Variants in FCMR observed in about 807,000 individuals in gnomAD.
FCMR encodes the protein immunoglobulin mu Fc receptor.
FCMR carries 34 observed loss-of-function variants against 41.6 expected under a neutral mutation model. The observed-to-expected ratio is 0.82, with a 90% CI of 0.62 to 1.09. FCMR has a LOEUF of 1.09. Ranked by LOEUF, FCMR falls within the 50% of genes least tolerant of loss-of-function variation. The pLI, the probability that FCMR is intolerant of heterozygous loss-of-function variation, is 0.00. For missense variants in FCMR, 496 were observed against 512.5 expected, an observed-to-expected ratio of 0.97 and a Z score of 0.31; for synonymous variants, 209 against 211.8, an observed-to-expected ratio of 0.99 and a Z score of 0.12.
upstream of FCMR, among the ~76,000 whole-genome samples, chr1:206,922,756 A>G (rs1057058167): frequency 6.6e-6 from 1 of 152,250 alleles, no homozygotes; most frequent in Non-Finnish European, 1.5e-5. Context: ...CAAGGGCCCA[A>G]GGGTAAGGCC....
chr1:206,916,505 C>T (rs1198738826), intron 1 of FCMR, among the ~76,000 whole-genome samples: 4 of 152,180 alleles, frequency 2.6e-5, no homozygotes, highest in Admixed American at 6.5e-5. Flanking sequence ...TTGGTAAATC[C>T]CTGGCTTGCC....
chr1:206,906,925 G>C (rs1178783484), intron 7 of FCMR, among the ~76,000 whole-genome samples: 1 of 151,720 alleles, frequency 6.6e-6, no homozygotes, highest in Non-Finnish European at 1.5e-5. Context: ...TTCGAAGCAA[G>C]CTGCTGCTGC....
chr1:206,911,697 C>G, intron 4 of FCMR, 33 bp downstream of exon 4: 1 of 1,583,500 alleles, frequency 6.3e-7, no homozygotes, highest in African/African-American at 1.3e-5. Flanking sequence ...TTAATTCTAG[C>G]CTAACTCTAG....
rs762185043 is a variant in FCMR at position 206,913,047 on chromosome 1, TGGAA to T, written c.374-9_374-6del. On this transcript the variant is annotated splice_polypyrimidine_tract_variant and splice_region_variant and intron_variant, in intron 2 of 7. Coordinates refer to ENST00000367091, the MANE Select transcript of FCMR (RefSeq NM_005449.5). Reference sequence around the variant, plus strand: ...CTTCCCATGATGGCTCGTATTCTATTGGAAGGAAGAGGAATATGTTGGTGGTCTC... The same window carrying T: ...CTTCCCATGATGGCTCGTATTCTATTGGAAGAGGAATATGTTGGTGGTCTC... The T allele has an allele frequency of 6.2e-7, 1 of 1,605,646 alleles. No individual in the cohort carries two copies. The highest frequency in any genetic ancestry group is 1.1e-5 in the South Asian group (1 of 90,942).
rs567990785 is a variant in FCMR at position 206,909,516 on chromosome 1, T to G, written c.990A>C (p.Thr330=). 389 of 1,309,298 alleles carry G rather than the reference T, an allele frequency of 3.0e-4. 1 individual carries two copies. In the African/African-American group the frequency reaches 4.9e-3, roughly 16 times the overall value. The allele number at this position is 1,309,298 out of a possible 1,614,324, so 81.1% of individuals were successfully genotyped here. A position where few individuals can be genotyped will look rare whatever the true frequency, so the allele number is the denominator to read the frequency against. The change falls in exon 7 of 8, where the codon ACA becomes ACC. Residue 330 remains threonine, a synonymous_variant. Coordinates refer to ENST00000367091, the MANE Select transcript of FCMR (RefSeq NM_005449.5). The surrounding 1 kb of genome is among the most constrained non-coding windows in gnomAD (Gnocchi z 5.0). The part of the protein sequence containing the change: ...RRARGADAAG[T]GEAPVPGPGA... ...CGGGGCCGGGAACGGGGGCCTCCCC[T>G]GTGCCTAGGGAACAGCGAGGGCGAG...
upstream of FCMR, chr1:206,922,060 C>T (rs575619695): frequency 3.7e-5 from 22 of 599,998 alleles, no homozygotes; most frequent in Non-Finnish European, 5.4e-5. Flanking sequence ...CAAACCACAG[C>T]GGAAGTCAGG....
intron 1 of FCMR, among the ~76,000 whole-genome samples, chr1:206,919,793 C>T (rs1429425741): frequency 6.6e-6 from 1 of 152,124 alleles, no homozygotes; most frequent in East Asian, 1.9e-4. Context: ...TTAGGTCTTC[C>T]ACTCCCCACC....
chr1:206,918,532 A>G (rs1336449629), intron 1 of FCMR, among the ~76,000 whole-genome samples: 1 of 152,178 alleles, frequency 6.6e-6, no homozygotes, highest in East Asian at 1.9e-4. Context: ...CAGCTGAGAA[A>G]GAGCTGATTT....
Position 206,909,692 on chromosome 1 carries a change from C to A in FCMR, c.985+33G>T. The stretch of plus-strand genomic sequence containing the variant: ...CTTTCCCGGAGCCAGCGCACTCTTT[C>A]CGCTACTCCCCGTGGCCCGCCCGGC... On this transcript the variant is annotated intron_variant, in intron 6 of 7. Coordinates refer to ENST00000367091, the MANE Select transcript of FCMR (RefSeq NM_005449.5). The surrounding 1 kb of genome is among the most constrained non-coding windows in gnomAD (Gnocchi z 5.0). 1 of 1,392,356 alleles carries A rather than the reference C, an allele frequency of 7.2e-7. No individual in the cohort carries two copies. The highest frequency in any genetic ancestry group is 9.2e-7 in the Non-Finnish European group (1 of 1,085,404). The allele number at this position is 1,392,356 out of a possible 1,614,324, so 86.3% of individuals were successfully genotyped here. A position where few individuals can be genotyped will look rare whatever the true frequency, so the allele number is the denominator to read the frequency against.
chr1:206,920,037 T>A (rs1679366188), intron 1 of FCMR, among the ~76,000 whole-genome samples: 1 of 152,186 alleles, frequency 6.6e-6, no homozygotes, highest in Non-Finnish European at 1.5e-5. Context: ...TATCACTGAA[T>A]AAACCAAATT....
intron 7 of FCMR, chr1:206,906,528 T>A (rs1356939300): frequency 6.5e-6 from 1 of 152,886 alleles, no homozygotes; most frequent in Non-Finnish European, 1.5e-5. Flanking sequence ...TGGTTTTAGA[T>A]TTGCTAAAAA....
Position 206,904,550 on chromosome 1 carries a change from TC to T in FCMR, c.*468del. ...GTTTTTATACCAGACCCCTGCTTAG[TC>T]CATGGGGCTGAGGCATGTCACATAA... On this transcript the variant is annotated 3_prime_UTR_variant, in exon 8 of 8. Coordinates refer to ENST00000367091, the MANE Select transcript of FCMR (RefSeq NM_005449.5). 5.9e-6 allele frequency: 1 copy of T among 170,880 alleles called. No individual in the cohort carries two copies. Among genetic ancestry groups the T allele is most frequent in the Admixed American group, 5.5e-5 (1 of 18,246 alleles). The allele number at this position is 170,880 out of a possible 1,614,324, so 10.6% of individuals were successfully genotyped here.
intron 1 of FCMR, among the ~76,000 whole-genome samples, chr1:206,919,059 C>A (rs1222592164): frequency 6.6e-6 from 1 of 152,164 alleles, no homozygotes; most frequent in East Asian, 1.9e-4. Flanking sequence ...GCAGGGAAAA[C>A]AACCCCAAGC....
chr1:206,915,035 A>T (rs545830816), intron 1 of FCMR, among the ~76,000 whole-genome samples: 1 of 152,342 alleles, frequency 6.6e-6, no homozygotes, highest in Admixed American at 6.5e-5. Context: ...ATGTTGCAAC[A>T]GGTTTTCCTT....
At position 206,914,051 on chromosome 1, in the gene FCMR, C is replaced by T. The variant is rs938990983; in HGVS notation, c.81G>A (p.Gly27=). 5.0e-6 allele frequency: 8 copies of T among 1,614,036 alleles called. No homozygotes were observed. The highest frequency in any genetic ancestry group is 2.7e-5 in the African/African-American group (2 of 74,920). Residue 27 remains glycine, a synonymous_variant, in exon 2 of 8, where the codon GGG becomes GGA. Transcript: ENST00000367091. ...LRILPEVKVE[G]ELGGSVTIKC... is the part of the protein sequence containing the mutation. ...TGATGGTAACTGATCCGCCCAGCTC[C>T]CCCTCTACCTTTACTTCTGGGAGGA...
intron 7 of FCMR, chr1:206,908,239 A>T: frequency 7.5e-7 from 1 of 1,330,122 alleles, no homozygotes; most frequent in Non-Finnish European, 1.1e-6. Context: ...AGCCCAATAA[A>T]GACTGTTAAT....
At chr1:206,911,190 T>C (rs1426229470) in intron 4 of FCMR, among the ~76,000 whole-genome samples, 1 of 152,082 alleles carries the variant, frequency 6.6e-6, no homozygotes, top group Non-Finnish European at 1.5e-5. Flanking sequence ...TCTTTCTCAC[T>C]ATCACCTTTG....
At chr1:206,913,326 C>T (rs946038843) in intron 2 of FCMR, among the ~76,000 whole-genome samples, 1 of 152,084 alleles carries the variant, frequency 6.6e-6, no homozygotes, top group Non-Finnish European at 1.5e-5. Flanking sequence ...AGGAGAAAGG[C>T]GGGGTTCCAG....
In FCMR at chr1:206,904,033, G is replaced by C. The variant is rs1317372930; in HGVS notation, c.*986C>G. The C allele has an allele frequency of 6.6e-6, 1 of 152,316 alleles. No individual in the cohort carries two copies. The highest frequency in any genetic ancestry group is 2.4e-5 in the African/African-American group (1 of 41,434). 9.4% of individuals were successfully genotyped at this position (152,316 alleles called of 1,614,324 possible). On this transcript the variant is annotated 3_prime_UTR_variant, in exon 8 of 8. Coordinates refer to ENST00000367091, the MANE Select transcript of FCMR (RefSeq NM_005449.5). The stretch of plus-strand genomic sequence containing the variant: ...AGATACAGTGTCTGACTATAACCTT[G>C]TTCCAAAAACCTAGGCAAAGAGTAT...
Sources: allele counts gnomAD v4.1 joint callset (sites outside exome capture counted in the v4.1 genomes callset), GRCh38; gene constraint gnomAD v4.1.1; non-coding constraint Gnocchi (gnomAD v3.1); transcripts MANE v1.5; gene names NCBI Gene and HGNC (gene_info 2026-07-23, HGNC 2026-07-21).